GRIA3: variants seen among roughly 807,000 people sequenced by gnomAD.
GRIA3 encodes the protein glutamate receptor 3.
Under a neutral mutation model 63.0 loss-of-function variants are expected in GRIA3, and 3 were observed. That is an observed-to-expected ratio of 0.05 (90% confidence interval 0.02 to 0.12). GRIA3 has a LOEUF of 0.12. GRIA3 is among the 10% of genes least tolerant of loss of function. The pLI is 1.00. For synonymous variants in GRIA3, 274 were observed against 257.9 expected, an observed-to-expected ratio of 1.06 and a Z score of -0.60; for missense variants, 347 against 700.9, an observed-to-expected ratio of 0.50 and a Z score of 5.70.
intron 3 of GRIA3, among the ~76,000 whole-genome samples, chrX:123,320,128 CAT>C (rs748531384): frequency 1.3e-4 from 15 of 111,485 alleles, no homozygotes; most frequent in Non-Finnish European, 2.3e-4. Context: ...AGTTGAGTAA[CAT>C]AGACAGGAAT....
At chrX:123,440,537 CTAAT>C (rs1209825970) in intron 12 of GRIA3, among the ~76,000 whole-genome samples, 4 of 112,623 alleles carry the variant, frequency 3.6e-5, no homozygotes, top group Non-Finnish European at 7.5e-5. Flanking sequence ...TTGCATTTCT[CTAAT>C]TATCAGTGAT....
intron 3 of GRIA3, among the ~76,000 whole-genome samples, chrX:123,268,518 C>T (rs1243332999): frequency 9.1e-6 from 1 of 109,905 alleles, no homozygotes; most frequent in Non-Finnish European, 1.9e-5. Flanking sequence ...CATGGTTCAT[C>T]AGTAAGGTAG....
intron 2 of GRIA3, among the ~76,000 whole-genome samples, chrX:123,216,619 A>G (rs6648980): frequency 8.9e-6 from 1 of 111,750 alleles, no homozygotes; most frequent in Non-Finnish European, 1.9e-5. Context: ...AGACTTGGCT[A>G]GTAATTTCTT....
chrX:123,465,241 T>C (rs751320079), intron 13 of GRIA3, 129 bp downstream of exon 13: 2 of 636,100 alleles, frequency 3.1e-6, no homozygotes, highest in Admixed American at 6.2e-5. Context: ...CAATATTCCA[T>C]GGAGTTAAAT....
In GRIA3 at chrX:123,227,789, G is replaced by A. The variant is rs533410571; in HGVS notation, c.269-25514G>A. 7.7e-4 allele frequency among the ~76,000 whole-genome samples: 87 copies of A among 112,328 alleles called. 2 individuals are homozygous for A. The South Asian group carries it at 0.03, about 39-fold the overall frequency. The stretch of plus-strand genomic sequence containing the variant: ...TCTTAGGTTGAGTTGAATAGTTCAA[G>A]TATTGAGATGTGTAGTTTCTTCTGT... On this transcript the variant is annotated intron_variant, in intron 2 of 15. Coordinates refer to ENST00000620443, the MANE Select transcript of GRIA3 (RefSeq NM_007325.5).
intron 3 of GRIA3, among the ~76,000 whole-genome samples, chrX:123,276,075 G>T (rs906310075): frequency 8.9e-6 from 1 of 111,972 alleles, no homozygotes; most frequent in African/African-American, 3.2e-5. Flanking sequence ...CTTACCTAGG[G>T]TCACACAGCA....
intron 3 of GRIA3, among the ~76,000 whole-genome samples, chrX:123,302,949 G>A (rs1035090515): frequency 3.6e-5 from 4 of 111,168 alleles, no homozygotes; most frequent in Admixed American, 9.6e-5. Context: ...TTTCTATGAC[G>A]TGGGCTCCCA....
At chrX:123,330,692 G>A (rs1018761728) in intron 4 of GRIA3, among the ~76,000 whole-genome samples, 2 of 111,357 alleles carry the variant, frequency 1.8e-5, no homozygotes, top group African/African-American at 6.5e-5. Flanking sequence ...CAACTGTTCT[G>A]CATGCCTAAG....
At chrX:123,451,831 A>C (rs1347460718) in intron 12 of GRIA3, among the ~76,000 whole-genome samples, 1 of 111,141 alleles carries the variant, frequency 9.0e-6, no homozygotes, top group Non-Finnish European at 1.9e-5. Flanking sequence ...AGTTGGAGAT[A>C]CCTATGAGAT....
At chrX:123,323,448 T>C (rs1016008686) in intron 3 of GRIA3, among the ~76,000 whole-genome samples, 6 of 112,477 alleles carry the variant, frequency 5.3e-5, no homozygotes, top group Non-Finnish European at 9.4e-5. Context: ...AAATTTTAAA[T>C]GTCTGTGACA....
chrX:123,243,157 C>T (rs2044339464), intron 2 of GRIA3, among the ~76,000 whole-genome samples: 2 of 111,825 alleles, frequency 1.8e-5, no homozygotes, highest in Non-Finnish European at 3.8e-5. Context: ...TTGTCTCTCA[C>T]CTAGACTATA....
rs765324702 is a variant in GRIA3, at chrX:123,354,855, C to T, written c.697-55C>T. ...TGTTCTAGCCACCCCACTGATTGTGCAATTGAAAATGTCCTTCTTGAATAA... is the reference window on the plus strand; with the variant it reads ...TGTTCTAGCCACCCCACTGATTGTGTAATTGAAAATGTCCTTCTTGAATAA... On this transcript the variant is annotated intron_variant, in intron 4 of 15. Coordinates refer to ENST00000620443, the MANE Select transcript of GRIA3 (RefSeq NM_007325.5). 6 of 873,960 alleles carry T rather than the reference C, an allele frequency of 6.9e-6. No homozygotes were observed. The African/African-American group carries it at 7.8e-5, about 11-fold the overall frequency. The allele number at this position is 873,960 out of a possible 1,213,427, so 72.0% of individuals were successfully genotyped here. A position where few individuals can be genotyped will look rare whatever the true frequency, so the allele number is the denominator to read the frequency against.
At chrX:123,409,401 GT>G (rs1487937121) in intron 10 of GRIA3, among the ~76,000 whole-genome samples, 1 of 111,979 alleles carries the variant, frequency 8.9e-6, no homozygotes, top group Non-Finnish European at 1.9e-5. Flanking sequence ...TTATAAATAG[GT>G]TTTTTTCTAA....
chrX:123,345,867 C>A (rs915292831), intron 4 of GRIA3, among the ~76,000 whole-genome samples: 1 of 110,555 alleles, frequency 9.0e-6, no homozygotes, highest in African/African-American at 3.3e-5. Flanking sequence ...ATATGACCTG[C>A]GCCTTGAGGG....
chrX:123,279,662 C>T (rs918787575), intron 3 of GRIA3, among the ~76,000 whole-genome samples: 1 of 111,210 alleles, frequency 9.0e-6, no homozygotes, highest in African/African-American at 3.3e-5. Context: ...GAGGAGCTGG[C>T]AGAGGGAGGA....
intron 4 of GRIA3, among the ~76,000 whole-genome samples, chrX:123,327,830 C>G (rs754546998): frequency 1.0e-5 from 1 of 95,861 alleles, no homozygotes; most frequent in South Asian, 4.3e-4. Context: ...CCCCTTCCCC[C>G]CCACAAAAAA....
At chrX:123,446,773 G>C (rs1301535664) in intron 12 of GRIA3, among the ~76,000 whole-genome samples, 1 of 111,616 alleles carries the variant, frequency 9.0e-6, no homozygotes, top group East Asian at 2.8e-4. Flanking sequence ...TAAGGATAGG[G>C]GTGGGAAGTA....
intron 2 of GRIA3, among the ~76,000 whole-genome samples, chrX:123,221,259 G>A (rs1019528140): frequency 2.7e-5 from 3 of 111,980 alleles, no homozygotes; most frequent in Non-Finnish European, 5.6e-5. Context: ...TGAAAGCTTG[G>A]AAAACATGTA....
intron 5 of GRIA3, among the ~76,000 whole-genome samples, chrX:123,385,831 T>A (rs1051765713): frequency 8.9e-6 from 1 of 112,203 alleles, no homozygotes; most frequent in African/African-American, 3.2e-5. Flanking sequence ...CACTTGTTCA[T>A]TGATGAACAC....
Sources: gnomAD v4.1 joint callset for allele counts (sites outside exome capture counted in the v4.1 genomes callset) on GRCh38, gnomAD v4.1.1 for gene constraint, MANE v1.5 for transcripts, NCBI Gene and HGNC (gene_info 2026-07-23, HGNC 2026-07-21) for gene names.